Variants in SEMA3A observed in about 807,000 individuals in gnomAD.
SEMA3A encodes the protein semaphorin 3A, also known as semaphorin-3A.
SEMA3A carries 29 observed loss-of-function variants against 97.9 expected under a neutral mutation model. The ratio of observed to expected loss-of-function variants is 0.30; its 90% confidence interval spans 0.22 to 0.40. The LOEUF is 0.40. Among genes scored for constraint, SEMA3A ranks in the 10% least tolerant of loss-of-function variants. The pLI is 1.00. For synonymous variants in SEMA3A, 321 were observed against 323.7 expected (o/e 0.99, Z 0.09); for missense variants, 763 against 951.3 (o/e 0.80, Z 2.60).
At position 84,405,103 on chromosome 7, in the gene SEMA3A, T is replaced by C. The variant is rs118095859; in HGVS notation, c.-245-33203A>G. 0.014 allele frequency among the ~76,000 whole-genome samples: 2,122 copies of C among 152,114 alleles called. 82 individuals are homozygous for C. The East Asian group carries it at 0.16, about 11-fold the overall frequency. On this transcript the variant is annotated intron_variant, in intron 1 of 3. Transcript: ENST00000424555. ...CAATTAAAAGGCACATAGTGGCAAA[T>C]TGGATAAAGGGTCAAGACCCATCAG...
At chr7:84,421,647 G>C (rs1804595692) in intron 1 of SEMA3A, among the ~76,000 whole-genome samples, 1 of 152,068 alleles carries the variant, frequency 6.6e-6, no homozygotes, top group African/African-American at 2.4e-5. Context: ...GATATTGGCT[G>C]CTGGTTTGTC....
intron 1 of SEMA3A, among the ~76,000 whole-genome samples, chr7:84,189,739 AATC>A (rs1251909722): frequency 4.0e-5 from 6 of 151,730 alleles, no homozygotes; most frequent in African/African-American, 1.4e-4. Flanking sequence ...GAACATATGC[AATC>A]ATATTAATTA....
chr7:84,289,407 T>G (rs1800683745), intron 3 of SEMA3A, among the ~76,000 whole-genome samples: 1 of 152,044 alleles, frequency 6.6e-6, no homozygotes, highest in Non-Finnish European at 1.5e-5. Flanking sequence ...CTGTTTGAGG[T>G]GATGAATATG....
intron 1 of SEMA3A, among the ~76,000 whole-genome samples, chr7:84,181,100 A>T (rs34054916): frequency 0.063 from 9,636 of 152,114 alleles, 355 homozygotes; most frequent in African/African-American, 0.094. Context: ...AATATCTGCC[A>T]GTGATTTCTT....
intron 3 of SEMA3A, among the ~76,000 whole-genome samples, chr7:84,247,339 A>G (rs950047565): frequency 6.6e-6 from 1 of 152,204 alleles, no homozygotes; most frequent in African/African-American, 2.4e-5. Flanking sequence ...CAACATCAAG[A>G]TTAACATATT....
At chr7:84,345,212 AT>A (rs951221996) in intron 2 of SEMA3A, among the ~76,000 whole-genome samples, 52 of 152,198 alleles carry the variant, frequency 3.4e-4, no homozygotes, top group African/African-American at 1.1e-3. Context: ...GTCCAAAAAA[AT>A]GAACATACTT....
intron 3 of SEMA3A, among the ~76,000 whole-genome samples, chr7:84,111,280 G>A (rs1232550278): frequency 6.6e-6 from 1 of 152,172 alleles, no homozygotes; most frequent in African/African-American, 2.4e-5. Context: ...GGGCACACAT[G>A]ACAGGACTGG....
chr7:84,108,427 G>A (rs1048725522), intron 4 of SEMA3A, among the ~76,000 whole-genome samples: 2 of 152,064 alleles, frequency 1.3e-5, no homozygotes, highest in Non-Finnish European at 2.9e-5. Flanking sequence ...AGTCAACCTT[G>A]CATTTAAAAT....
At chr7:84,179,919 T>C (rs1281541520) in intron 1 of SEMA3A, among the ~76,000 whole-genome samples, 6 of 147,930 alleles carry the variant, frequency 4.1e-5, no homozygotes, top group Non-Finnish European at 8.9e-5. Context: ...TCTGGCAACT[T>C]TCATATCTAG....
intron 1 of SEMA3A, among the ~76,000 whole-genome samples, chr7:84,404,073 G>C (rs941196489): frequency 2.0e-5 from 3 of 152,146 alleles, no homozygotes; most frequent in Non-Finnish European, 2.9e-5. Flanking sequence ...AGAGAAGAAG[G>C]CTTCAGAAGA....
chr7:84,170,914 A>C (rs1454662538), intron 1 of SEMA3A, among the ~76,000 whole-genome samples: 1 of 152,104 alleles, frequency 6.6e-6, no homozygotes, highest in Non-Finnish European at 1.5e-5. Context: ...CAGAGGGCTT[A>C]CCTAATTAAA....
intron 3 of SEMA3A, among the ~76,000 whole-genome samples, chr7:84,257,982 A>T (rs1584175817): frequency 6.6e-6 from 1 of 152,244 alleles, no homozygotes; most frequent in African/African-American, 2.4e-5. Flanking sequence ...TGACAAGTCA[A>T]ATGTTATTGC....
chr7:84,073,120 T>C (rs932220695), intron 4 of SEMA3A, among the ~76,000 whole-genome samples: 1 of 152,086 alleles, frequency 6.6e-6, no homozygotes, highest in African/African-American at 2.4e-5. Flanking sequence ...TATTTTAGAG[T>C]ATTCATAACA....
intron 4 of SEMA3A, among the ~76,000 whole-genome samples, chr7:84,083,105 T>A (rs544252875): frequency 1.0e-3 from 159 of 151,634 alleles, no homozygotes; most frequent in Admixed American, 4.5e-3. Context: ...AATTAATTAA[T>A]TTTTTTTGGT....
intron 5 of SEMA3A, among the ~76,000 whole-genome samples, chr7:84,059,034 CAT>C (rs58038637): frequency 0.07 from 10,669 of 152,118 alleles, 1,253 homozygotes; most frequent in African/African-American, 0.24. Context: ...CACACTTTAG[CAT>C]ACTGCTTTTT....
intron 4 of SEMA3A, among the ~76,000 whole-genome samples, chr7:84,064,337 A>G (rs977939580): frequency 3.9e-5 from 6 of 152,080 alleles, no homozygotes; most frequent in African/African-American, 7.3e-5. Flanking sequence ...AAACACCATC[A>G]AGACTAGGAA....
chr7:84,241,564 A>G (rs1799365228), intron 3 of SEMA3A, among the ~76,000 whole-genome samples: 1 of 151,808 alleles, frequency 6.6e-6, no homozygotes, highest in African/African-American at 2.4e-5. Flanking sequence ...TTGCCTGCTC[A>G]CTCTGATGAT....
intron 3 of SEMA3A, among the ~76,000 whole-genome samples, chr7:84,265,416 A>G (rs886070245): frequency 1.3e-5 from 2 of 148,244 alleles, no homozygotes; most frequent in African/African-American, 2.5e-5. Context: ...TTTAAATATA[A>G]TATGTATGAG....
chr7:84,402,805 G>C (rs538572316), intron 1 of SEMA3A, among the ~76,000 whole-genome samples: 4 of 152,296 alleles, frequency 2.6e-5, no homozygotes, highest in South Asian at 2.1e-4. Flanking sequence ...AAGTGAAATA[G>C]ACAAGGTATA....
Sources: allele counts gnomAD v4.1 joint callset (sites outside exome capture counted in the v4.1 genomes callset), GRCh38; gene constraint gnomAD v4.1.1; transcripts MANE v1.5; gene names NCBI Gene and HGNC (gene_info 2026-07-23, HGNC 2026-07-21).